NUDT4: variants seen among roughly 807,000 people sequenced by gnomAD.
NUDT4 encodes diphosphoinositol polyphosphate phosphohydrolase 2.
NUDT4 carries 5 observed loss-of-function variants against 23.1 expected under a neutral mutation model. The observed-to-expected ratio is 0.22, with a 90% CI of 0.11 to 0.46. The LOEUF (loss-of-function observed/expected upper bound fraction) is 0.46, where lower values mean the gene tolerates loss of function less well. Ranked by LOEUF, NUDT4 falls within the 20% of genes least tolerant of loss-of-function variation. The pLI, the probability that NUDT4 is intolerant of heterozygous loss-of-function variation, is 0.99. For missense variants in NUDT4, 96 were observed against 211.6 expected, an observed-to-expected ratio of 0.45 and a Z score of 3.39; for synonymous variants, 50 against 79.0, an observed-to-expected ratio of 0.63 and a Z score of 1.95.
At chr12:93,398,553 A>G (rs1053706019) in intron 3 of NUDT4, among the ~76,000 whole-genome samples, 90 of 152,252 alleles carry the variant, frequency 5.9e-4, no homozygotes, top group African/African-American at 2.1e-3. Flanking sequence ...ACCACCAGTA[A>G]TGATGAAGCT....
intron 4 of NUDT4, 78 bp from the exon 5 acceptor site, chr12:93,399,099 G>A: frequency 2.0e-6 from 2 of 993,508 alleles, no homozygotes; most frequent in South Asian, 2.7e-5. Flanking sequence ...TCATTTATCG[G>A]GGAGTAAGTG....
At chr12:93,395,443 T>C (rs764774122) in intron 2 of NUDT4, 46 bp from the exon 3 acceptor site, 2 of 1,348,086 alleles carry the variant, frequency 1.5e-6, no homozygotes, top group Admixed American at 3.4e-5. Flanking sequence ...TATATACATT[T>C]TGTTATAAAA....
chr12:93,392,819 C>T (rs1291983641), intron 1 of NUDT4, among the ~76,000 whole-genome samples: 60 of 130,218 alleles, frequency 4.6e-4, no homozygotes, highest in African/African-American at 1.6e-3. Context: ...GCTGGGATTA[C>T]AGGCATGCAC....
intron 1 of NUDT4, among the ~76,000 whole-genome samples, chr12:93,382,516 T>A (rs970051329): frequency 2.6e-5 from 4 of 151,894 alleles, no homozygotes; most frequent in Admixed American, 2.0e-4. Context: ...ATTACTAGAG[T>A]TAAATCTCAA....
At chr12:93,398,233 G>A (rs1330499130) in intron 3 of NUDT4, among the ~76,000 whole-genome samples, 1 of 151,368 alleles carries the variant, frequency 6.6e-6, no homozygotes, top group East Asian at 1.9e-4. Context: ...CCAGCTACTC[G>A]GGAGGCTGAG....
rs1340358451 is a variant in NUDT4, at chr12:93,400,447, C to T, written c.*1068C>T. 2.6e-5 allele frequency: 4 copies of T among 152,308 alleles called. No homozygotes were observed. The allele number at this position is 152,308 out of a possible 1,614,324, so 9.4% of individuals were successfully genotyped here. On this transcript the variant is annotated 3_prime_UTR_variant, in exon 5 of 5. Coordinates refer to ENST00000415493, the MANE Select transcript of NUDT4 (RefSeq NM_019094.6). Reference sequence around the variant, plus strand: ...TGTCACATAACTAACTTTCGAGGCACTGGAACATACCTGAACTAAGAATTA... The same window carrying T: ...TGTCACATAACTAACTTTCGAGGCATTGGAACATACCTGAACTAAGAATTA...
At chr12:93,392,254 C>A (rs868845547) in intron 1 of NUDT4, among the ~76,000 whole-genome samples, 1 of 104,582 alleles carries the variant, frequency 9.6e-6, no homozygotes, top group Non-Finnish European at 1.9e-5. Context: ...CCCCCCCCCC[C>A]TTTTTTTTTT....
chr12:93,398,392 T>G (rs1877097273), intron 3 of NUDT4, among the ~76,000 whole-genome samples: 1 of 151,392 alleles, frequency 6.6e-6, no homozygotes, highest in South Asian at 2.1e-4. Flanking sequence ...AAATAAGTGT[T>G]TAAAGTTTAG....
chr12:93,384,508 G>A (rs561883351), intron 1 of NUDT4, among the ~76,000 whole-genome samples: 51 of 152,038 alleles, frequency 3.4e-4, no homozygotes, highest in Non-Finnish European at 6.8e-4. Context: ...CTCATTGGAA[G>A]AATTGTCTTG....
chr12:93,378,746 G>A, intron 1 of NUDT4: 1 of 1,053,398 alleles, frequency 9.5e-7, no homozygotes, highest in South Asian at 4.4e-5. Context: ...TGAGTTGAAA[G>A]CCGGATAAAC....
chr12:93,390,430 T>A (rs575554453), intron 1 of NUDT4, among the ~76,000 whole-genome samples: 1 of 152,326 alleles, frequency 6.6e-6, no homozygotes, highest in East Asian at 1.9e-4. Flanking sequence ...TTGCCATAGA[T>A]CCTCTGTAAG....
chr12:93,391,770 T>C (rs1876525051), intron 1 of NUDT4, among the ~76,000 whole-genome samples: 4 of 152,174 alleles, frequency 2.6e-5, no homozygotes, highest in Admixed American at 2.6e-4. Context: ...ACACTGGGAA[T>C]TAAACTTCGT....
rs78798407 is a variant in NUDT4 at position 93,403,047 on chromosome 12, T to G, written c.*3668T>G. The G allele has an allele frequency of 1.4e-5, 2 of 139,670 alleles. No homozygotes were observed. Among genetic ancestry groups the G allele is most frequent in the East Asian group, 2.0e-4 (1 of 4,980 alleles). The allele number at this position is 139,670 out of a possible 1,614,324, so 8.7% of individuals were successfully genotyped here. On this transcript the variant is annotated 3_prime_UTR_variant, in exon 5 of 5. Transcript: ENST00000415493. The stretch of plus-strand genomic sequence containing the variant: ...GGACTCTTTAATTTTTTTTTTTTTT[T>G]GGTAGAGATGGGGTCTTGCTGTGTT...
chr12:93,381,926 T>C (rs189730417), intron 1 of NUDT4, among the ~76,000 whole-genome samples: 2 of 152,222 alleles, frequency 1.3e-5, no homozygotes, highest in African/African-American at 4.8e-5. Context: ...AATCCAGACA[T>C]AGTTGCAAGA....
chr12:93,386,479 C>T (rs929997356), intron 1 of NUDT4, among the ~76,000 whole-genome samples: 22 of 151,922 alleles, frequency 1.4e-4, no homozygotes, highest in African/African-American at 5.1e-4. Context: ...ACTCAGGAGG[C>T]TTACGCACGA....
At chr12:93,396,005 C>T (rs1033605194) in intron 3 of NUDT4, among the ~76,000 whole-genome samples, 3 of 152,226 alleles carry the variant, frequency 2.0e-5, no homozygotes, top group African/African-American at 7.2e-5. Flanking sequence ...AGGCGTGAGC[C>T]ACTGTGCCCG....
chr12:93,399,125 G>A, intron 4 of NUDT4, 52 bp from the exon 5 acceptor site: 1 of 1,354,152 alleles, frequency 7.4e-7, no homozygotes, highest in Non-Finnish European at 1.1e-6. Flanking sequence ...TACTTATATG[G>A]CTTACTTTTT....
At chr12:93,384,476 C>T (rs1387272586) in intron 1 of NUDT4, among the ~76,000 whole-genome samples, 5 of 151,666 alleles carry the variant, frequency 3.3e-5, no homozygotes, top group South Asian at 2.1e-4. Context: ...CTGGGGTGTC[C>T]GATCTTTTAG....
At position 93,400,373 on chromosome 12, in the gene NUDT4, G is replaced by C. The variant is rs1189388862; in HGVS notation, c.*994G>C. ...AGCTGTTAGAGACTGAAGATTGTTAGGGCACCTTAGAATGTCTCATCTTTT... is the reference window on the plus strand; with the variant it reads ...AGCTGTTAGAGACTGAAGATTGTTACGGCACCTTAGAATGTCTCATCTTTT... On this transcript the variant is annotated 3_prime_UTR_variant, in exon 5 of 5. Transcript: ENST00000415493. 1 of 152,080 alleles carries C rather than the reference G, an allele frequency of 6.6e-6. No individual in the cohort carries two copies. Among genetic ancestry groups the C allele is most frequent in the Non-Finnish European group, 1.5e-5 (1 of 67,962 alleles). The allele number at this position is 152,080 out of a possible 1,614,324, so 9.4% of individuals were successfully genotyped here. A position where few individuals can be genotyped will look rare whatever the true frequency, so the allele number is the denominator to read the frequency against.
Sources: allele counts gnomAD v4.1 joint callset (sites outside exome capture counted in the v4.1 genomes callset), GRCh38; gene constraint gnomAD v4.1.1; transcripts MANE v1.5; gene names NCBI Gene and HGNC (gene_info 2026-07-23, HGNC 2026-07-21).